FBN2: variants seen among roughly 807,000 people sequenced by gnomAD.
FBN2 encodes the protein fibrillin 2, also known as fibrillin-2.
FBN2 carries 105 observed loss-of-function variants against 355.6 expected under a neutral mutation model. That is an observed-to-expected ratio of 0.30 (90% CI 0.25 to 0.35). The LOEUF is 0.35. Ranked by LOEUF, FBN2 falls within the 10% of genes least tolerant of loss-of-function variation. The probability of loss-of-function intolerance (pLI) is 1.00; values close to 1 mark genes in which losing one functional copy is unlikely to be tolerated. For synonymous variants in FBN2, 1,350 were observed against 1,301.2 expected (o/e 1.04, Z -0.81); for missense variants, 3,280 against 3,758.7 (o/e 0.87, Z 3.33).
intron 7 of FBN2, among the ~76,000 whole-genome samples, chr5:128,411,508 C>A (rs938552244): frequency 2.2e-4 from 34 of 152,138 alleles, no homozygotes; most frequent in Non-Finnish European, 4.0e-4. Context: ...CCTCTCTGAC[C>A]GTCCCCAGCT....
chr5:128,427,957 A>G (rs1189122809), intron 7 of FBN2, among the ~76,000 whole-genome samples: 1 of 152,188 alleles, frequency 6.6e-6, no homozygotes, highest in African/African-American at 2.4e-5. Context: ...TTCTCCCCAC[A>G]GATGTTCTCC....
Position 128,311,379 on chromosome 5 carries a change from G to A in FBN2, c.4995C>T (p.Asn1665=), listed in dbSNP as rs761206295. Reference sequence around the variant, plus strand: ...GGAAGCTCCCAAAAGTGTTGATGCAGTTTCCACCCTGGCAGAGACCTGGTA... The same window carrying A: ...GGAAGCTCCCAAAAGTGTTGATGCAATTTCCACCCTGGCAGAGACCTGGTA... ...QELPGLCQGG[N]CINTFGSFQC... The change falls in exon 39 of 65, where the codon AAC becomes AAT. Residue 1665 remains asparagine (N), a synonymous_variant. Coordinates refer to ENST00000262464, the MANE Select transcript of FBN2 (RefSeq NM_001999.4). The A allele has an allele frequency of 5.6e-6, 9 of 1,614,056 alleles. No individual in the cohort carries two copies. In the Admixed American group the frequency reaches 1.5e-4, roughly 27 times the overall value.
At position 128,259,635 on chromosome 5, in the gene FBN2, G is replaced by A. The variant is rs778576181; in HGVS notation, c.8559C>T (p.Leu2853=). ...SVFRIHQRNG[L]SYLHTAKKKL... ...TCTTCTTGGCCGTGTGCAAGTAGCT[G>A]AGCCCATTCCTTTGGTGGATGCGGA... The change falls in exon 65 of 65, where the codon CTC becomes CTT. Residue 2853 remains leucine (L), a synonymous_variant. Transcript: ENST00000262464. 145 of 1,613,938 alleles carry A rather than the reference G, an allele frequency of 9.0e-5. 2 individuals are homozygous for A. The South Asian group carries it at 1.6e-3, about 18-fold the overall frequency.
chr5:128,473,914 T>C (rs979969179), intron 5 of FBN2, among the ~76,000 whole-genome samples: 4 of 152,238 alleles, frequency 2.6e-5, no homozygotes, highest in African/African-American at 9.6e-5. Context: ...AATACCATCA[T>C]GTAATATTTC....
chr5:128,503,771 G>C (rs930185128), intron 5 of FBN2, among the ~76,000 whole-genome samples: 1 of 152,172 alleles, frequency 6.6e-6, no homozygotes. Flanking sequence ...TTTCTGGGGA[G>C]AAATTCAAGC....
At position 128,269,701 on chromosome 5, in the gene FBN2, A is replaced by G. The variant is rs139383700; in HGVS notation, c.7960+2298T>C. Among the ~76,000 whole-genome samples the G allele has an allele frequency of 3.0e-3, 456 of 152,344 alleles. 2 individuals are homozygous for G. The highest frequency in any genetic ancestry group is 0.024 in the Admixed American group (368 of 15,300). ...ATGAAGAATCTTTTCAAGGAGAACT[A>G]CAAACCACTGCCCAAGGAAATAAGA... is the stretch of plus-strand genomic sequence containing the variant. On this transcript the variant is annotated intron_variant, in intron 62 of 64. Transcript: ENST00000262464.
At chr5:128,444,325 G>A (rs1475941401) in intron 7 of FBN2, among the ~76,000 whole-genome samples, 1 of 151,984 alleles carries the variant, frequency 6.6e-6, no homozygotes, top group Non-Finnish European at 1.5e-5. Context: ...ACCCGCCTCG[G>A]CCTCCCAAAG....
intron 5 of FBN2, among the ~76,000 whole-genome samples, chr5:128,493,692 G>C (rs1755572205): frequency 6.6e-6 from 1 of 152,162 alleles, no homozygotes; most frequent in African/African-American, 2.4e-5. Context: ...AATAAACTCT[G>C]AAGGCTGTGT....
intron 42 of FBN2, among the ~76,000 whole-genome samples, chr5:128,306,269 T>C (rs1749873516): frequency 6.6e-6 from 1 of 152,336 alleles, no homozygotes; most frequent in Non-Finnish European, 1.5e-5. Context: ...TAAAAAGCTA[T>C]GTTTTCATCA....
chr5:128,462,500 C>A (rs1347424312), intron 6 of FBN2, among the ~76,000 whole-genome samples: 1 of 152,148 alleles, frequency 6.6e-6, no homozygotes, highest in Non-Finnish European at 1.5e-5. Flanking sequence ...CTTTTCCAGA[C>A]ATTTTAATCA....
intron 5 of FBN2, among the ~76,000 whole-genome samples, chr5:128,473,883 C>T (rs948543944): frequency 6.6e-6 from 1 of 152,160 alleles, no homozygotes; most frequent in African/African-American, 2.4e-5. Context: ...ACCACAGTTG[C>T]CTTGCATTTT....
intron 21 of FBN2, among the ~76,000 whole-genome samples, chr5:128,350,574 T>C (rs1272647976): frequency 6.6e-6 from 1 of 151,908 alleles, no homozygotes; most frequent in Non-Finnish European, 1.5e-5. Context: ...AAACAAAAGA[T>C]TTGAGGAAAA....
intron 7 of FBN2, 37 bp from the exon 8 acceptor site, chr5:128,408,836 G>A: frequency 6.2e-7 from 1 of 1,612,612 alleles, no homozygotes; most frequent in Non-Finnish European, 8.5e-7. Flanking sequence ...ATTGAGAAAG[G>A]CCTTCATTAA....
At chr5:128,371,047 G>C (rs1009638327) in intron 15 of FBN2, 1 of 151,860 alleles carries the variant, frequency 6.6e-6, no homozygotes, top group Non-Finnish European at 1.5e-5. Context: ...GGACACACCT[G>C]AAATACTAAA....
chr5:128,267,635 G>C (rs1226475923), intron 62 of FBN2, among the ~76,000 whole-genome samples: 1 of 151,046 alleles, frequency 6.6e-6, no homozygotes, highest in Non-Finnish European at 1.5e-5. Context: ...AGAAGTGTCT[G>C]TTCACATCCT....
intron 11 of FBN2, among the ~76,000 whole-genome samples, chr5:128,389,149 A>T (rs564730277): frequency 6.6e-6 from 1 of 152,270 alleles, no homozygotes; most frequent in African/African-American, 2.4e-5. Context: ...TGATTGTATT[A>T]TGAAATTCTT....
chr5:128,396,364 T>C (rs978732455), intron 8 of FBN2, among the ~76,000 whole-genome samples: 5 of 152,168 alleles, frequency 3.3e-5, no homozygotes, highest in Admixed American at 3.3e-4. Flanking sequence ...TCAGTGTATA[T>C]ATGTCATTCT....
In FBN2 at chr5:128,464,767, G is replaced by A. The variant is rs1192458988; in HGVS notation, c.783C>T (p.Cys261=). 4 of 1,614,154 alleles carry A rather than the reference G, an allele frequency of 2.5e-6. 1 individual carries two copies. The highest frequency in any genetic ancestry group is 1.7e-6 in the Non-Finnish European group (2 of 1,180,022). ...CEMCPAQPQP[C]RRGFIPNIRT... is the part of the protein sequence containing the mutation. Reference sequence around the variant, plus strand: ...GGATGTTGGGGATGAAACCCCGTCGGCAGGGCTGAGGCTGGGCTGGACACA... The same window carrying A: ...GGATGTTGGGGATGAAACCCCGTCGACAGGGCTGAGGCTGGGCTGGACACA... Residue 261 remains cysteine, a synonymous_variant, in exon 6 of 65, where the codon TGC becomes TGT. Transcript: ENST00000262464.
intron 5 of FBN2, among the ~76,000 whole-genome samples, chr5:128,472,350 G>A (rs558924057): frequency 1.3e-5 from 2 of 152,272 alleles, no homozygotes; most frequent in South Asian, 2.1e-4. Flanking sequence ...TGGTTGGCAG[G>A]GGTTTGGGGT....
Sources: allele counts gnomAD v4.1 joint callset (sites outside exome capture counted in the v4.1 genomes callset), GRCh38; gene constraint gnomAD v4.1.1; transcripts MANE v1.5; gene names NCBI Gene and HGNC (gene_info 2026-07-23, HGNC 2026-07-21).